Variants in PRKN observed in about 807,000 individuals in gnomAD.
PRKN encodes the protein parkin RBR E3 ubiquitin protein ligase, also known as E3 ubiquitin-protein ligase parkin.
In PRKN, 56 loss-of-function variants were observed where a neutral mutation model predicts 59.5. The observed-to-expected ratio is 0.94, with a 90% CI of 0.76 to 1.18. The LOEUF (loss-of-function observed/expected upper bound fraction) is 1.18. PRKN is among the 50% of genes most tolerant of loss of function. The pLI is 0.00. For missense variants in PRKN, 657 were observed against 596.4 expected (o/e 1.10, Z -1.06); for synonymous variants, 250 against 222.1 (o/e 1.13, Z -1.12).
chr6:161,607,267 G>A (rs1399256109), intron 7 of PRKN, among the ~76,000 whole-genome samples: 2 of 151,992 alleles, frequency 1.3e-5, no homozygotes, highest in African/African-American at 4.8e-5. Context: ...CCTTGCACAC[G>A]GTTTCCAATC....
intron 9 of PRKN, among the ~76,000 whole-genome samples, chr6:161,435,190 C>G (rs186470512): frequency 6.6e-6 from 1 of 152,016 alleles, no homozygotes; most frequent in East Asian, 1.9e-4. Flanking sequence ...CAAAGATTTG[C>G]CAGAAAAAAG....
rs118146390 is a variant in PRKN at position 162,531,340 on chromosome 6, G to T, written c.8-87867C>A. ...ACAGAGCCGATTCATCACAACAGGG[G>T]AATTGCGGAATTGCAATAGAGAAAG... On this transcript the variant is annotated intron_variant, in intron 1 of 11. Transcript: ENST00000366898. 4.5e-4 allele frequency among the ~76,000 whole-genome samples: 69 copies of T among 152,242 alleles called. 2 individuals carry two copies. In the East Asian group the frequency reaches 7.2e-3, roughly 16 times the overall value.
At chr6:162,361,323 T>C (rs1198981039) in intron 2 of PRKN, among the ~76,000 whole-genome samples, 4 of 151,964 alleles carry the variant, frequency 2.6e-5, no homozygotes, top group South Asian at 2.1e-4. Context: ...TATTTGGAGG[T>C]AGGGCCTTTC....
chr6:161,441,416 G>A (rs1789215555), intron 9 of PRKN, among the ~76,000 whole-genome samples: 2 of 151,924 alleles, frequency 1.3e-5, no homozygotes, highest in Non-Finnish European at 2.9e-5. Context: ...AGGCCAAGGC[G>A]GGCGGATCAC....
At chr6:162,403,461 G>A (rs1227276064) in intron 2 of PRKN, among the ~76,000 whole-genome samples, 1 of 152,076 alleles carries the variant, frequency 6.6e-6, no homozygotes, top group African/African-American at 2.4e-5. Flanking sequence ...TTTATCTACA[G>A]CATATATCAC....
intron 6 of PRKN, among the ~76,000 whole-genome samples, chr6:161,925,575 GA>G (rs1048079264): frequency 6.6e-6 from 1 of 150,450 alleles, no homozygotes; most frequent in Non-Finnish European, 1.5e-5. Flanking sequence ...CATCTCAAAA[GA>G]AAAAAAAATG....
chr6:162,649,216 T>C (rs1212239469), intron 1 of PRKN, among the ~76,000 whole-genome samples: 1 of 152,178 alleles, frequency 6.6e-6, no homozygotes, highest in African/African-American at 2.4e-5. Context: ...CAAACACTGT[T>C]CTAGATGCAG....
At chr6:162,472,684 G>T (rs1413894906) in intron 1 of PRKN, among the ~76,000 whole-genome samples, 1 of 126,632 alleles carries the variant, frequency 7.9e-6, no homozygotes, top group Non-Finnish European at 1.7e-5. Flanking sequence ...GTAGAGACGG[G>T]GTTTCACCTT....
At chr6:162,322,439 T>C (rs1025271792) in intron 2 of PRKN, among the ~76,000 whole-genome samples, 1 of 152,092 alleles carries the variant, frequency 6.6e-6, no homozygotes, top group Admixed American at 6.6e-5. Context: ...ACAAGCTAAT[T>C]CTAAGATTCA....
chr6:162,540,256 G>A (rs979848361), intron 1 of PRKN, among the ~76,000 whole-genome samples: 1 of 151,928 alleles, frequency 6.6e-6, no homozygotes, highest in African/African-American at 2.4e-5. Context: ...TTGAGATAGA[G>A]TCTTGCTCTG....
chr6:162,129,748 T>C (rs971374386), intron 4 of PRKN, among the ~76,000 whole-genome samples: 2 of 152,178 alleles, frequency 1.3e-5, no homozygotes, highest in African/African-American at 4.8e-5. Flanking sequence ...AGGTTATTTA[T>C]AATGTTTTAT....
intron 1 of PRKN, among the ~76,000 whole-genome samples, chr6:162,605,524 C>T (rs952917631): frequency 6.6e-6 from 1 of 151,942 alleles, no homozygotes. Context: ...ATTCAAAACA[C>T]CCTAAGAACT....
chr6:162,384,558 T>C (rs912081995), intron 2 of PRKN, among the ~76,000 whole-genome samples: 6 of 149,526 alleles, frequency 4.0e-5, no homozygotes, highest in Admixed American at 6.7e-5. Flanking sequence ...AATTACCAAA[T>C]GATAGAGATA....
At chr6:162,621,762 T>C (rs895768604) in intron 1 of PRKN, among the ~76,000 whole-genome samples, 1 of 152,192 alleles carries the variant, frequency 6.6e-6, no homozygotes, top group Admixed American at 6.5e-5. Context: ...TCTTTAATGT[T>C]CCATTTCCTT....
chr6:161,693,054 T>C (rs751535124), intron 7 of PRKN, among the ~76,000 whole-genome samples: 1 of 151,968 alleles, frequency 6.6e-6, no homozygotes, highest in South Asian at 2.1e-4. Context: ...ACACAATATA[T>C]TTCTGATTAT....
rs78882031 is a variant in PRKN at position 161,582,380 on chromosome 6, A to G, written c.872-12964T>C. On this transcript the variant is annotated intron_variant, in intron 7 of 11. Coordinates refer to ENST00000366898, the MANE Select transcript of PRKN (RefSeq NM_004562.3). This position sits in a 1 kb window ranked among gnomAD's most constrained non-coding sequence, Gnocchi z 4.4. ...CATTACAATGTTGGGCGCAGCAGAT[A>G]TAATCTGAACTAGGAAAGACTGCAT... 1.4e-3 allele frequency among the ~76,000 whole-genome samples: 219 copies of G among 151,872 alleles called. 5 individuals are homozygous for G. In the East Asian group the frequency reaches 0.039, roughly 27 times the overall value.
At chr6:161,791,697 G>A (rs1234703218) in intron 6 of PRKN, among the ~76,000 whole-genome samples, 7 of 152,204 alleles carry the variant, frequency 4.6e-5, no homozygotes, top group African/African-American at 1.7e-4. Context: ...CCAGTAGAGT[G>A]GGCAGGAGAG....
At chr6:161,850,986 T>C (rs954791019) in intron 6 of PRKN, among the ~76,000 whole-genome samples, 4 of 152,322 alleles carry the variant, frequency 2.6e-5, no homozygotes, top group South Asian at 2.1e-4. Context: ...GGAAAATACA[T>C]GTGATCTTCC....
intron 5 of PRKN, among the ~76,000 whole-genome samples, chr6:162,029,945 C>T (rs1350256845): frequency 6.6e-6 from 1 of 152,146 alleles, no homozygotes; most frequent in Non-Finnish European, 1.5e-5. Flanking sequence ...CTCAAGCCAA[C>T]CTTCTGCTTT....
Sources: gnomAD v4.1 joint callset for allele counts (sites outside exome capture counted in the v4.1 genomes callset) on GRCh38, gnomAD v4.1.1 for gene constraint, Gnocchi (gnomAD v3.1) non-coding constraint, MANE v1.5 for transcripts, NCBI Gene and HGNC (gene_info 2026-07-23, HGNC 2026-07-21) for gene names.